The following SLC51A variants were observed in gnomAD, a reference collection of about 807,000 sequenced individuals.
SLC51A encodes the protein solute carrier family 51 member A.
Under a neutral mutation model 34.8 loss-of-function variants are expected in SLC51A, and 22 were observed. That is an observed-to-expected ratio of 0.63 (90% CI 0.45 to 0.90). SLC51A has a LOEUF of 0.90. Ranked by LOEUF, SLC51A falls within the 40% of genes least tolerant of loss-of-function variation. The pLI, the probability that SLC51A is intolerant of heterozygous loss-of-function variation, is 0.00. For synonymous variants in SLC51A, 181 were observed against 176.3 expected (o/e 1.03, Z -0.21); for missense variants, 371 against 414.8 (o/e 0.89, Z 0.92).
chr3:196,221,755 C>G (rs538658875), intron 2 of SLC51A, among the ~76,000 whole-genome samples: 11 of 151,086 alleles, frequency 7.3e-5, no homozygotes, highest in Admixed American at 2.6e-4. Context: ...TCGCTCTGTC[C>G]CCCAGGCTGG....
chr3:196,226,023 A>G (rs1461762722), intron 2 of SLC51A, among the ~76,000 whole-genome samples: 1 of 152,138 alleles, frequency 6.6e-6, no homozygotes, highest in Non-Finnish European at 1.5e-5. Context: ...TCTTTTGTTG[A>G]AGTTCTCCCC....
rs747554850 is a variant in SLC51A at position 196,216,941 on chromosome 3, T to C, written c.38+191T>C. Among the ~76,000 whole-genome samples, 3 of 152,168 alleles carry C rather than the reference T, an allele frequency of 2.0e-5. No homozygotes were observed. The highest frequency in any genetic ancestry group is 2.9e-5 in the Non-Finnish European group (2 of 68,010). On this transcript the variant is annotated intron_variant, in intron 1 of 8. Coordinates refer to ENST00000296327, the MANE Select transcript of SLC51A (RefSeq NM_152672.6). This position sits in a 1 kb window ranked among gnomAD's most constrained non-coding sequence, Gnocchi z 4.5. ...GGCCAGGGTGTGACACTCCAGGGCC[T>C]CGGCCTTGCCCCCCAGCGTGGGGAG... is the stretch of plus-strand genomic sequence containing the variant.
Position 196,232,124 on chromosome 3 carries a change from C to T in SLC51A, c.781-295C>T, listed in dbSNP as rs541037057. The stretch of plus-strand genomic sequence containing the variant: ...CACCCATCTCTTTATCCATTGAGTG[C>T]TCATTGGTAGCCATGGCTGAGAAAG... On this transcript the variant is annotated intron_variant, in intron 7 of 8. Transcript: ENST00000296327. 9.8e-4 allele frequency among the ~76,000 whole-genome samples: 150 copies of T among 152,310 alleles called. 2 individuals carry two copies. The highest frequency in any genetic ancestry group is 2.9e-5 in the Non-Finnish European group (2 of 68,028).
At chr3:196,220,160 G>A (rs546657301) in intron 2 of SLC51A, among the ~76,000 whole-genome samples, 1 of 152,242 alleles carries the variant, frequency 6.6e-6, no homozygotes, top group African/African-American at 2.4e-5. Flanking sequence ...CCCGCTGCGC[G>A]CCGGGCTGGC....
In SLC51A at chr3:196,227,122, G is replaced by A. The variant is rs778496371; in HGVS notation, c.288+3G>A. ...TCTGGAAGAGCTCGGCACCCACGGT[G>A]AGGCCCCCGGGGCTGCCCTGTGGGG... On this transcript the variant is annotated splice_donor_region_variant and intron_variant, in intron 3 of 8. Transcript: ENST00000296327. The A allele has an allele frequency of 3.7e-6, 6 of 1,613,426 alleles. No individual in the cohort carries two copies. In the South Asian group the frequency reaches 4.4e-5, roughly 12 times the overall value.
At chr3:196,221,624 A>C (rs1320015531) in intron 2 of SLC51A, among the ~76,000 whole-genome samples, 1 of 152,024 alleles carries the variant, frequency 6.6e-6, no homozygotes. Context: ...AAGAAGCTTA[A>C]GGAGAGGATA....
At chr3:196,225,872 G>A (rs1036058792) in intron 2 of SLC51A, 6 of 152,174 alleles carry the variant, frequency 3.9e-5, no homozygotes, top group East Asian at 1.9e-4. Flanking sequence ...TAGGGCCTGG[G>A]CAGCTAGCTG....
At chr3:196,226,882 A>G in intron 2 of SLC51A, 83 bp from the exon 3 acceptor site, 1 of 1,422,794 alleles carries the variant, frequency 7.0e-7, no homozygotes, top group Non-Finnish European at 9.5e-7. Context: ...TAGATCCAGT[A>G]AGGCAATTTC....
At chr3:196,217,201 C>A (rs1038418291) in intron 1 of SLC51A, among the ~76,000 whole-genome samples, 6 of 152,210 alleles carry the variant, frequency 3.9e-5, no homozygotes, top group Non-Finnish European at 4.4e-5. Context: ...CTTACTCCCC[C>A]ACCTGGGCCA....
chr3:196,221,853 C>T (rs116446766), intron 2 of SLC51A, among the ~76,000 whole-genome samples: 2,298 of 151,968 alleles, frequency 0.015, 60 homozygotes, highest in African/African-American at 0.054. Flanking sequence ...GTAGCTGGGA[C>T]TACAGGCGCC....
intron 7 of SLC51A, among the ~76,000 whole-genome samples, chr3:196,232,170 T>C (rs1724041304): frequency 6.6e-6 from 1 of 152,258 alleles, no homozygotes; most frequent in South Asian, 2.1e-4. Context: ...ATGAACCCTT[T>C]AATCAGTTCT....
Position 196,224,422 on chromosome 3 carries a change from C to T in SLC51A, c.134-2543C>T, listed in dbSNP as rs114059751. ...TAGAAACGCGGTTGTCGGCTGGACC[C>T]GGTGGCTCACGCCTGTAATCCCAGC... On this transcript the variant is annotated intron_variant, in intron 2 of 8. Coordinates refer to ENST00000296327, the MANE Select transcript of SLC51A (RefSeq NM_152672.6). 9.8e-3 allele frequency among the ~76,000 whole-genome samples: 1,468 copies of T among 150,318 alleles called. 33 individuals are homozygous for T. Among genetic ancestry groups the T allele is most frequent in the African/African-American group, 0.034 (1,399 of 41,010 alleles).
chr3:196,222,955 A>G (rs1560152520), intron 2 of SLC51A, among the ~76,000 whole-genome samples: 2 of 151,816 alleles, frequency 1.3e-5, no homozygotes, highest in Non-Finnish European at 2.9e-5. Flanking sequence ...CAAAGGCAAC[A>G]GTTAGAAGAC....
At chr3:196,232,593 C>A in intron 8 of SLC51A, 69 bp downstream of exon 8, 1 of 1,245,604 alleles carries the variant, frequency 8.0e-7, no homozygotes, top group Non-Finnish European at 1.2e-6. Context: ...AAGAAGGGGC[C>A]CCAGAACAGA....
chr3:196,222,321 G>T (rs114618254), intron 2 of SLC51A, among the ~76,000 whole-genome samples: 3,123 of 152,188 alleles, frequency 0.021, 115 homozygotes, highest in African/African-American at 0.07. Context: ...GTCCTTCATG[G>T]AAACAGAGTT....
Position 196,228,087 on chromosome 3 carries a change from C to G in SLC51A, c.363-28C>G, listed in dbSNP as rs538723752. The G allele has an allele frequency of 6.2e-7, 1 of 1,601,630 alleles. No individual in the cohort carries two copies. The highest frequency in any genetic ancestry group is 1.3e-5 in the African/African-American group (1 of 74,798). ...TGTCTTTCTCTCTGGCAGCAGACCT[C>G]GTAGGCCCTCTTCTCTCCCCACCCC... On this transcript the variant is annotated intron_variant, in intron 4 of 8. Coordinates refer to ENST00000296327, the MANE Select transcript of SLC51A (RefSeq NM_152672.6). This position sits in a 1 kb window ranked among gnomAD's most constrained non-coding sequence, Gnocchi z 4.9.
At chr3:196,221,998 G>A (rs1577344933) in intron 2 of SLC51A, among the ~76,000 whole-genome samples, 1 of 152,118 alleles carries the variant, frequency 6.6e-6, no homozygotes, top group East Asian at 1.9e-4. Context: ...GATGACAGGC[G>A]TGAGCCCCCC....
intron 2 of SLC51A, among the ~76,000 whole-genome samples, 181 bp from the exon 3 acceptor site, chr3:196,226,784 A>G (rs909014721): frequency 1.3e-5 from 2 of 150,136 alleles, no homozygotes; most frequent in African/African-American, 4.9e-5. Flanking sequence ...AAAAAAAAAA[A>G]AAAAAGAAAA....
At chr3:196,227,149 G>A (rs563927505) in intron 3 of SLC51A, 30 bp downstream of exon 3, 9 of 1,604,190 alleles carry the variant, frequency 5.6e-6, no homozygotes, top group African/African-American at 5.4e-5. Context: ...CCTGTGGGGG[G>A]AACTGAAAAG....
Sources: allele counts gnomAD v4.1 joint callset (sites outside exome capture counted in the v4.1 genomes callset), GRCh38; gene constraint gnomAD v4.1.1; non-coding constraint Gnocchi (gnomAD v3.1); transcripts MANE v1.5; gene names NCBI Gene and HGNC (gene_info 2026-07-23, HGNC 2026-07-21).